AEBP2: variants seen among roughly 807,000 people sequenced by gnomAD.
AEBP2 encodes zinc finger protein AEBP2.
AEBP2 carries 10 observed loss-of-function variants against 50.8 expected under a neutral mutation model. The observed-to-expected ratio is 0.20, with a 90% CI of 0.12 to 0.33. The LOEUF (loss-of-function observed/expected upper bound fraction) is 0.33, where lower values mean the gene tolerates loss of function less well. Ranked by LOEUF, AEBP2 falls within the 10% of genes least tolerant of loss-of-function variation. The pLI, the probability that AEBP2 is intolerant of heterozygous loss-of-function variation, is 1.00. For synonymous variants in AEBP2, 296 were observed against 261.3 expected (o/e 1.13, Z -1.28); for missense variants, 570 against 688.0 (o/e 0.83, Z 1.92).
upstream of AEBP2, among the ~76,000 whole-genome samples, chr12:19,435,680 TC>T (rs1188396047): frequency 6.6e-6 from 1 of 152,226 alleles, no homozygotes; most frequent in East Asian, 1.9e-4. Flanking sequence ...CAGTTTGAGT[TC>T]CCCAACACAG....
intron 1 of AEBP2, chr12:19,456,325 C>T (rs1948269133): frequency 2.1e-6 from 3 of 1,436,674 alleles, no homozygotes; most frequent in South Asian, 2.3e-5. Context: ...GCTTTGATGA[C>T]ATCCACTGCA....
At chr12:19,466,218 C>T (rs1474745571) in intron 2 of AEBP2, among the ~76,000 whole-genome samples, 1 of 152,082 alleles carries the variant, frequency 6.6e-6, no homozygotes. Context: ...AATCCCAGCA[C>T]TTTGGAAAGC....
At chr12:19,464,417 G>C (rs1279606023) in intron 2 of AEBP2, among the ~76,000 whole-genome samples, 2 of 152,060 alleles carry the variant, frequency 1.3e-5, no homozygotes, top group Non-Finnish European at 2.9e-5. Flanking sequence ...AGATCACTGG[G>C]CTTCTCTTAG....
upstream of AEBP2, among the ~76,000 whole-genome samples, chr12:19,436,570 G>A (rs1386199545): frequency 1.4e-5 from 2 of 139,926 alleles, no homozygotes; most frequent in East Asian, 4.2e-4. Flanking sequence ...GTTTTCTTTT[G>A]TTTTCTTTTC....
At chr12:19,449,930 T>G (rs1293735088) in intron 1 of AEBP2, among the ~76,000 whole-genome samples, 1 of 152,186 alleles carries the variant, frequency 6.6e-6, no homozygotes, top group Non-Finnish European at 1.5e-5. Context: ...GGCTACAAAT[T>G]AACTGGATCA....
At chr12:19,469,039 C>T (rs1430469725) in intron 2 of AEBP2, among the ~76,000 whole-genome samples, 1 of 152,200 alleles carries the variant, frequency 6.6e-6, no homozygotes, top group Non-Finnish European at 1.5e-5. Context: ...ATCCTCCTCC[C>T]TCAGCCTCCC....
chr12:19,428,080 A>G (rs1368644140), intron 1 of AEBP2, among the ~76,000 whole-genome samples: 2 of 151,758 alleles, frequency 1.3e-5, no homozygotes, highest in African/African-American at 4.8e-5. Flanking sequence ...CCACAAAAAA[A>G]TACAAAAATT....
intron 1 of AEBP2, among the ~76,000 whole-genome samples, chr12:19,416,717 G>A (rs992566145): frequency 7.4e-5 from 11 of 148,122 alleles, no homozygotes; most frequent in African/African-American, 2.7e-4. Flanking sequence ...TCCGCTTCCT[G>A]GGTTCAAGCA....
intron 1 of AEBP2, among the ~76,000 whole-genome samples, chr12:19,408,494 A>G (rs1409435625): frequency 2.0e-5 from 3 of 151,346 alleles, no homozygotes; most frequent in African/African-American, 7.3e-5. Flanking sequence ...AGTTGCGGTG[A>G]GCCGAGATTG....
At chr12:19,427,106 C>T (rs116701114) in intron 1 of AEBP2, among the ~76,000 whole-genome samples, 294 of 152,052 alleles carry the variant, frequency 1.9e-3, no homozygotes, top group African/African-American at 6.7e-3. Context: ...AGGTCGGGCA[C>T]GGTGGCTTAT....
At chr12:19,464,556 T>C (rs1015963800) in intron 2 of AEBP2, among the ~76,000 whole-genome samples, 3 of 151,702 alleles carry the variant, frequency 2.0e-5, no homozygotes, top group Non-Finnish European at 4.4e-5. Flanking sequence ...AGTCTGATTT[T>C]TATTTTATTT....
chr12:19,426,628 G>C (rs2095748685), intron 1 of AEBP2, among the ~76,000 whole-genome samples: 1 of 152,130 alleles, frequency 6.6e-6, no homozygotes, highest in African/African-American at 2.4e-5. Context: ...TTCTGGCCAG[G>C]CGTGGTGACT....
intron 1 of AEBP2, among the ~76,000 whole-genome samples, chr12:19,414,188 G>T (rs745903236): frequency 1.2e-4 from 18 of 151,982 alleles, no homozygotes; most frequent in Non-Finnish European, 1.9e-4. Flanking sequence ...CATTGCGCCC[G>T]GCCAACAAGG....
rs71067027 is a variant in AEBP2 at position 19,481,092 on chromosome 12, CTTTTTT to C, written c.987+7758_987+7763del. 7.3e-4 allele frequency among the ~76,000 whole-genome samples: 54 copies of C among 74,046 alleles called. 3 individuals carry two copies. Among genetic ancestry groups the C allele is most frequent in the Non-Finnish European group, 8.0e-4 (34 of 42,308 alleles). 48.6% of individuals were successfully genotyped at this position (74,046 alleles called of 152,430 possible). On this transcript the variant is annotated intron_variant, in intron 3 of 7. Transcript: ENST00000266508. ...TGTTATTGAAACTTTGCAGTGCATCCTTTTTTTTTTTTTTTTTTTTTTTTTTGAGAC... is the reference window on the plus strand; with the variant it reads ...TGTTATTGAAACTTTGCAGTGCATCCTTTTTTTTTTTTTTTTTTTTGAGAC...
chr12:19,415,208 G>A (rs1448428689), intron 1 of AEBP2, among the ~76,000 whole-genome samples: 1 of 149,404 alleles, frequency 6.7e-6, no homozygotes, highest in Admixed American at 6.8e-5. Context: ...TAGCTACTTG[G>A]GGGGCTGACG....
intron 2 of AEBP2, among the ~76,000 whole-genome samples, chr12:19,470,788 A>G (rs1431870727): frequency 6.6e-6 from 1 of 152,176 alleles, no homozygotes; most frequent in Admixed American, 6.5e-5. Context: ...GCTTATTTCG[A>G]AGGAACTAAA....
intron 1 of AEBP2, among the ~76,000 whole-genome samples, chr12:19,431,785 T>A (rs535992962): frequency 6.6e-6 from 1 of 152,330 alleles, no homozygotes; most frequent in Non-Finnish European, 1.5e-5. Flanking sequence ...AGATGTTATC[T>A]CTTTTTATGC....
chr12:19,462,620 A>C lies in AEBP2; in HGVS notation c.782A>C (p.Tyr261Ser). The C allele has an allele frequency of 6.2e-7, 1 of 1,613,988 alleles. No individual in the cohort carries two copies. The highest frequency in any genetic ancestry group is 1.1e-5 in the South Asian group (1 of 91,078). Residue 261 changes from tyrosine to serine, a missense_variant, in exon 2 of 8, where the codon TAT becomes TCT. Physicochemically the swap from Tyr to Ser is moderately radical, Grantham distance 144. Transcript: ENST00000266508. ...STTSSSKNIA[Y>S]NCCWDQCQAC... ...ACTTCTTCAAGCAAAAATATTGCCT[A>C]TAATTGTTGTTGGGACCAGTGCCAG...
chr12:19,406,488 G>C (rs2095736332), intron 1 of AEBP2, among the ~76,000 whole-genome samples: 2 of 152,092 alleles, frequency 1.3e-5, no homozygotes, highest in South Asian at 2.1e-4. Flanking sequence ...AGATCAGCCT[G>C]ACCAATATGA....
Sources: allele counts gnomAD v4.1 joint callset (sites outside exome capture counted in the v4.1 genomes callset), GRCh38; gene constraint gnomAD v4.1.1; transcripts MANE v1.5; gene names NCBI Gene and HGNC (gene_info 2026-07-23, HGNC 2026-07-21).